Variants in CDH8 observed in about 807,000 individuals in gnomAD.
The protein encoded by CDH8 is cadherin 8.
CDH8 carries 17 observed loss-of-function variants against 68.1 expected under a neutral mutation model. That is an observed-to-expected ratio of 0.25 (90% CI 0.17 to 0.37). The LOEUF is 0.37. Ranked by LOEUF, CDH8 falls within the 10% of genes least tolerant of loss-of-function variation. CDH8 has a pLI of 1.00. For missense variants in CDH8, 763 were observed against 999.3 expected (o/e 0.76, Z 3.19); for synonymous variants, 372 against 365.1 (o/e 1.02, Z -0.21).
chr16:61,768,275 C>T (rs183591290), intron 8 of CDH8, among the ~76,000 whole-genome samples: 93 of 147,320 alleles, frequency 6.3e-4, no homozygotes, highest in Non-Finnish European at 1.1e-3. Flanking sequence ...GGTTGGTTCC[C>T]GGAAGAGCAC....
intron 8 of CDH8, among the ~76,000 whole-genome samples, chr16:61,769,160 T>G (rs1314265599): frequency 6.6e-6 from 1 of 151,802 alleles, no homozygotes; most frequent in Non-Finnish European, 1.5e-5. Context: ...AGGCAAACAG[T>G]GTTGTCATAT....
chr16:61,995,616 A>C lies in CDH8; in HGVS notation c.252+25536T>G, dbSNP rs941016762. 3.3e-5 allele frequency among the ~76,000 whole-genome samples: 5 copies of C among 152,222 alleles called. No individual in the cohort carries two copies. The East Asian group carries it at 7.7e-4, about 24-fold the overall frequency. Reference sequence around the variant, plus strand: ...ATGGTCTCAGTCTCCTAATCTTGTGATCTGCCTGCCTTGGCCTCCCAAAGT... The same window carrying C: ...ATGGTCTCAGTCTCCTAATCTTGTGCTCTGCCTGCCTTGGCCTCCCAAAGT... On this transcript the variant is annotated intron_variant, in intron 2 of 11. Transcript: ENST00000577390.
chr16:61,936,399 T>C lies in CDH8; in HGVS notation c.253-34926A>G, dbSNP rs1052638885. ...ATTTAATACTGCCAAACAACCATGC[T>C]ATGTTCCTGTGTTTCATTCTCACAA... On this transcript the variant is annotated intron_variant, in intron 2 of 11. Transcript: ENST00000577390. 3.0e-4 allele frequency among the ~76,000 whole-genome samples: 45 copies of C among 152,178 alleles called. 1 individual carries two copies. Among genetic ancestry groups the C allele is most frequent in the African/African-American group, 1.0e-3 (43 of 41,454 alleles).
intron 2 of CDH8, among the ~76,000 whole-genome samples, chr16:61,929,189 G>A (rs575871237): frequency 7.9e-5 from 12 of 152,300 alleles, no homozygotes; most frequent in East Asian, 7.7e-4. Context: ...GATTACAGGC[G>A]TGAGCCACAG....
intron 2 of CDH8, among the ~76,000 whole-genome samples, chr16:61,929,808 T>C (rs1262185150): frequency 6.6e-6 from 1 of 152,106 alleles, no homozygotes; most frequent in Non-Finnish European, 1.5e-5. Flanking sequence ...GAGGATTGCT[T>C]GAGCCCAGGA....
intron 4 of CDH8, among the ~76,000 whole-genome samples, chr16:61,840,494 T>C (rs1962660355): frequency 6.6e-6 from 1 of 152,206 alleles, no homozygotes; most frequent in Non-Finnish European, 1.5e-5. Flanking sequence ...GAAAAATACC[T>C]GGCACATAAT....
intron 2 of CDH8, among the ~76,000 whole-genome samples, chr16:61,936,558 T>C (rs1964629957): frequency 6.6e-6 from 1 of 152,198 alleles, no homozygotes; most frequent in Non-Finnish European, 1.5e-5. Context: ...CACTTGGAGA[T>C]GGCAACATGC....
chr16:61,787,857 G>T (rs1252854067), intron 8 of CDH8, among the ~76,000 whole-genome samples: 2 of 130,540 alleles, frequency 1.5e-5, no homozygotes, highest in Non-Finnish European at 3.2e-5. Context: ...AACCAAACAC[G>T]GCATATTCTC....
At chr16:61,782,443 C>CACGGAGTCT (rs1437721137) in intron 8 of CDH8, among the ~76,000 whole-genome samples, 4 of 152,216 alleles carry the variant, frequency 2.6e-5, no homozygotes, top group South Asian at 2.1e-4. Context: ...GTCCTACGCC[C>CACGGAGTCT]ACGGAGTCTC....
At position 61,821,096 on chromosome 16, in the gene CDH8, C is replaced by G. The variant is rs753850696; in HGVS notation, c.853G>C (p.Val285Leu). ...KFAQSLYHFSVPEDVVLGTAI... is the reference protein window; with the variant it reads ...KFAQSLYHFSLPEDVVLGTAI... The stretch of plus-strand genomic sequence containing the variant: ...GTGCCAAGAACCACATCTTCCGGTA[C>G]TGAGAAGTGATACAGGCCTTTAAAA... The change falls in exon 6 of 12, where the codon GTA (valine) becomes CTA (leucine). Residue 285 changes from valine to leucine, a missense_variant. Val to Leu is a conservative substitution (Grantham distance 32). Around this residue, in one of 2 missense-constraint regions of CDH8, gnomAD observed 366 missense variants for 563.1 expected, o/e 0.65. Coordinates refer to ENST00000577390, the MANE Select transcript of CDH8 (RefSeq NM_001796.5). 2 of 1,611,048 alleles carry G rather than the reference C, an allele frequency of 1.2e-6. No homozygotes were observed. The highest frequency in any genetic ancestry group is 2.2e-5 in the East Asian group (1 of 44,786).
chr16:61,901,609 G>A (rs1280478237), intron 2 of CDH8, 136 bp from the exon 3 acceptor site: 5 of 623,038 alleles, frequency 8.0e-6, no homozygotes, highest in African/African-American at 7.4e-5. Flanking sequence ...TGTACAAAGT[G>A]TATGCAGCTG....
chr16:61,778,084 T>G (rs1203341291), intron 8 of CDH8, among the ~76,000 whole-genome samples: 1 of 152,088 alleles, frequency 6.6e-6, no homozygotes, highest in Non-Finnish European at 1.5e-5. Flanking sequence ...TGTGTGATTT[T>G]GGGGAGCCTC....
chr16:61,982,618 G>A (rs1965557545), intron 2 of CDH8, among the ~76,000 whole-genome samples: 1 of 152,176 alleles, frequency 6.6e-6, no homozygotes, highest in South Asian at 2.1e-4. Flanking sequence ...ATAACAATGT[G>A]TTAACTCGAT....
chr16:61,917,017 T>C lies in CDH8; in HGVS notation c.253-15544A>G, dbSNP rs115718269. On this transcript the variant is annotated intron_variant, in intron 2 of 11. Coordinates refer to ENST00000577390, the MANE Select transcript of CDH8 (RefSeq NM_001796.5). ...CTTTGAAAGTGACCTTGTGCTAGGA[T>C]AAAGTCTTGTTGCAGTTCAGCATTG... Among the ~76,000 whole-genome samples, 350 of 152,136 alleles carry C rather than the reference T, an allele frequency of 2.3e-3. 5 individuals carry two copies. Among genetic ancestry groups the C allele is most frequent in the African/African-American group, 8.0e-3 (334 of 41,508 alleles).
At chr16:61,691,754 G>C (rs1964227909) in intron 10 of CDH8, 1 of 151,858 alleles carries the variant, frequency 6.6e-6, no homozygotes. Flanking sequence ...ATACAAGGCA[G>C]CTTTTGTAGT....
At chr16:61,809,015 C>T (rs1186168771) in intron 7 of CDH8, among the ~76,000 whole-genome samples, 2 of 152,054 alleles carry the variant, frequency 1.3e-5, no homozygotes, top group African/African-American at 2.4e-5. Context: ...GAGAAACCCC[C>T]GTCTCTACTA....
intron 8 of CDH8, among the ~76,000 whole-genome samples, chr16:61,729,610 G>A (rs1025682104): frequency 6.6e-6 from 1 of 151,072 alleles, no homozygotes; most frequent in South Asian, 2.1e-4. Context: ...AGAATTGCCG[G>A]TTATTCCTTT....
rs181055982 is a variant in CDH8 at position 61,976,985 on chromosome 16, T to C, written c.252+44167A>G. Among the ~76,000 whole-genome samples the C allele has an allele frequency of 2.8e-3, 424 of 152,244 alleles. 4 individuals carry two copies. Among genetic ancestry groups the C allele is most frequent in the African/African-American group, 9.4e-3 (391 of 41,550 alleles). ...AAATATCAGTTTCCAGAATACCTAA[T>C]AACACATGCAATCAATGGGCTCCTG... On this transcript the variant is annotated intron_variant, in intron 2 of 11. Transcript: ENST00000577390.
chr16:61,772,382 T>G (rs16963942), intron 8 of CDH8, among the ~76,000 whole-genome samples: 6,585 of 152,100 alleles, frequency 0.043, 398 homozygotes, highest in East Asian at 0.23. Flanking sequence ...AAAATGTTCA[T>G]AAATTAGTCT....
Sources: allele counts gnomAD v4.1 joint callset (sites outside exome capture counted in the v4.1 genomes callset), GRCh38; gene constraint gnomAD v4.1.1; regional missense constraint gnomAD v4.1.1; transcripts MANE v1.5; gene names NCBI Gene and HGNC (gene_info 2026-07-23, HGNC 2026-07-21).